Variants in POLR3A observed in about 807,000 individuals in gnomAD.
POLR3A encodes DNA-directed RNA polymerase III subunit RPC1.
A neutral mutation model predicts 152.8 loss-of-function variants in POLR3A; 112 were observed. The ratio of observed to expected loss-of-function variants is 0.73; its 90% CI spans 0.63 to 0.86. POLR3A has a LOEUF of 0.86. Ranked by LOEUF, POLR3A falls within the 40% of genes least tolerant of loss-of-function variation. POLR3A has a pLI of 0.00. For missense variants in POLR3A, 1,385 were observed against 1,743.1 expected, an observed-to-expected ratio of 0.79 and a Z score of 3.66; for synonymous variants, 615 against 652.1, an observed-to-expected ratio of 0.94 and a Z score of 0.87.
intron 23 of POLR3A, 55 bp downstream of exon 23, chr10:77,985,848 G>C: frequency 3.9e-6 from 5 of 1,274,978 alleles, no homozygotes; most frequent in Non-Finnish European, 5.7e-6. Flanking sequence ...GGAAACAGAA[G>C]GGATACGTGA....
rs954524676 is a variant in POLR3A at position 77,993,382 on chromosome 10, G to A, written c.2617-15C>T. The A allele has an allele frequency of 1.2e-6, 2 of 1,610,242 alleles. No homozygotes were observed. Among genetic ancestry groups the A allele is most frequent in the African/African-American group, 1.3e-5 (1 of 74,834 alleles). ...ACAAGCCTTCGCTAAAGGAAAAGGA[G>A]GAAAAAGCTCAGCTGCTTTGAGAAG... On this transcript the variant is annotated splice_polypyrimidine_tract_variant and intron_variant, in intron 19 of 30. Coordinates refer to ENST00000372371, the MANE Select transcript of POLR3A (RefSeq NM_007055.4).
chr10:77,977,196 A>G lies in POLR3A; in HGVS notation c.*282T>C, dbSNP rs2131922840. ...GGCTGGGCTTTAAGTCCAGGGAAGC[A>G]GTGTGTGCACGAGCTGTGGGGCCGT... On this transcript the variant is annotated 3_prime_UTR_variant, in exon 31 of 31. Transcript: ENST00000372371. 2 of 421,792 alleles carry G rather than the reference A, an allele frequency of 4.7e-6. No homozygotes were observed. The highest frequency in any genetic ancestry group is 7.4e-4 in the Middle Eastern group (1 of 1,354). The allele number at this position is 421,792 out of a possible 1,614,324, so 26.1% of individuals were successfully genotyped here.
At chr10:78,000,171 G>A (rs1399776722) in intron 18 of POLR3A, 53 bp from the exon 19 acceptor site, 3 of 1,553,996 alleles carry the variant, frequency 1.9e-6, no homozygotes, top group Non-Finnish European at 2.6e-6. Context: ...CAAGGCCCAC[G>A]ATTCTGAAAT....
chr10:77,986,181 A>T, intron 21 of POLR3A, 22 bp from the exon 22 acceptor site: 1 of 1,135,872 alleles, frequency 8.8e-7, no homozygotes, highest in Non-Finnish European at 1.3e-6. Context: ...CACAGCAAAC[A>T]TCATTTGTAA....
In POLR3A at chr10:77,981,640, C is replaced by T. The variant is rs1307360335; in HGVS notation, c.3760-81G>A. 8.5e-6 allele frequency: 13 copies of T among 1,526,574 alleles called. No individual in the cohort carries two copies. In the East Asian group the frequency reaches 2.5e-4, roughly 29 times the overall value. 94.6% of individuals were successfully genotyped at this position (1,526,574 alleles called of 1,614,324 possible). On this transcript the variant is annotated intron_variant, in intron 28 of 30. Coordinates refer to ENST00000372371, the MANE Select transcript of POLR3A (RefSeq NM_007055.4). ...TCTCTCCACTTTCTCCTCTGCCCTG[C>T]AGTTTCAAAGCAAACCCTGTGCCGT...
At chr10:77,994,741 G>T (rs1276656583) in intron 19 of POLR3A, among the ~76,000 whole-genome samples, 1 of 152,164 alleles carries the variant, frequency 6.6e-6, no homozygotes, top group Non-Finnish European at 1.5e-5. Context: ...CACTCTGCAG[G>T]ATGTTATCCA....
Position 77,975,190 on chromosome 10 carries a change from T to A in POLR3A, c.*2288A>T, listed in dbSNP as rs1406979356. ...CGTATTTTTATTTCTTCCAAGCAGG[T>A]ACAGAGACTCAAATGTAACCCTTTG... On this transcript the variant is annotated 3_prime_UTR_variant, in exon 31 of 31. Coordinates refer to ENST00000372371, the MANE Select transcript of POLR3A (RefSeq NM_007055.4). The A allele has an allele frequency of 6.6e-6, 1 of 152,220 alleles. No homozygotes were observed. The highest frequency in any genetic ancestry group is 1.9e-4 in the East Asian group (1 of 5,198). 9.4% of individuals were successfully genotyped at this position (152,220 alleles called of 1,614,324 possible).
At chr10:78,018,402 G>A (rs571428211) in intron 9 of POLR3A, among the ~76,000 whole-genome samples, 1 of 151,718 alleles carries the variant, frequency 6.6e-6, no homozygotes, top group African/African-American at 2.4e-5. Context: ...GGGTGACTGA[G>A]GCAGGAAACT....
chr10:78,021,643 A>C lies in POLR3A; in HGVS notation c.1088T>G (p.Phe363Cys). ...RGNLSGKRVD[F>C]SGRTVISPDP... The stretch of plus-strand genomic sequence containing the variant: ...GGGCGAGATGACTGTTCTGCCAGAA[A>C]AATCCACTCTCTTTCCTGAGAGATT... Residue 363 changes from phenylalanine to cysteine, a missense_variant, in exon 8 of 31, where the codon TTT becomes TGT. By Grantham distance (205) the Phe-to-Cys change is radical. Around this residue, in one of 7 missense-constraint regions of POLR3A, gnomAD observed 493 missense variants for 647.5 expected, o/e 0.76. Coordinates refer to ENST00000372371, the MANE Select transcript of POLR3A (RefSeq NM_007055.4). The C allele has an allele frequency of 5.0e-6, 8 of 1,613,966 alleles. No individual in the cohort carries two copies. The East Asian group carries it at 1.8e-4, about 36-fold the overall frequency.
chr10:78,011,768 C>A lies in POLR3A; in HGVS notation c.1573-1228G>T, dbSNP rs897165004. Among the ~76,000 whole-genome samples the A allele has an allele frequency of 2.6e-5, 4 of 152,196 alleles. No individual in the cohort carries two copies. The East Asian group carries it at 7.7e-4, about 29-fold the overall frequency. The stretch of plus-strand genomic sequence containing the variant: ...CCCACATCCAAATTAGAGCCCTATG[C>A]ACTACACGGAGAACAGCATTGCTAA... On this transcript the variant is annotated intron_variant, in intron 11 of 30. Transcript: ENST00000372371.
intron 16 of POLR3A, among the ~76,000 whole-genome samples, chr10:78,004,110 T>C (rs1262454742): frequency 1.3e-5 from 2 of 152,100 alleles, no homozygotes; most frequent in African/African-American, 4.8e-5. Flanking sequence ...GGCATGTGCC[T>C]GTAATCCCAG....
At position 77,990,965 on chromosome 10, in the gene POLR3A, C is replaced by T. The variant is rs190365415; in HGVS notation, c.2901+89G>A. The T allele has an allele frequency of 2.2e-4, 165 of 757,544 alleles. No individual in the cohort carries two copies. The East Asian group carries it at 3.9e-3, about 18-fold the overall frequency. The allele number at this position is 757,544 out of a possible 1,614,324, so 46.9% of individuals were successfully genotyped here. ...CAACCCTACCTTAAAAAACAACCAGCTTATAAAATCCACTTGCCAGCCCTT... is the reference window on the plus strand; with the variant it reads ...CAACCCTACCTTAAAAAACAACCAGTTTATAAAATCCACTTGCCAGCCCTT... On this transcript the variant is annotated intron_variant, in intron 21 of 30. Coordinates refer to ENST00000372371, the MANE Select transcript of POLR3A (RefSeq NM_007055.4).
chr10:78,029,261 C>T, intron 1 of POLR3A, 103 bp downstream of exon 1: 2 of 1,179,650 alleles, frequency 1.7e-6, no homozygotes, highest in Non-Finnish European at 1.3e-6. Context: ...TGGCCCTCCC[C>T]TTCCCATTGC....
At chr10:78,023,729 G>T (rs1215057635) in intron 5 of POLR3A, among the ~76,000 whole-genome samples, 1 of 151,568 alleles carries the variant, frequency 6.6e-6, no homozygotes, top group South Asian at 2.1e-4. Flanking sequence ...AATGAGCCTC[G>T]ATCATACCAC....
In POLR3A at chr10:78,002,267, A is replaced by G. The variant is rs1847364830; in HGVS notation, c.2289T>C (p.Ala763=). Residue 763 remains alanine (A), a synonymous_variant, in exon 17 of 31, where the codon GCT becomes GCC. Transcript: ENST00000372371. The part of the protein sequence containing the change: ...LKELSVIRDH[A]GSACLRELDK... Reference sequence around the variant, plus strand: ...CCAGCTCCCGGAGGCAGGCACTGCCAGCGTGGTCACGGATCACAGACAGCT... The same window carrying G: ...CCAGCTCCCGGAGGCAGGCACTGCCGGCGTGGTCACGGATCACAGACAGCT... 3 of 1,606,092 alleles carry G rather than the reference A, an allele frequency of 1.9e-6. No homozygotes were observed. Among genetic ancestry groups the G allele is most frequent in the Non-Finnish European group, 2.5e-6 (3 of 1,176,938 alleles).
intron 30 of POLR3A, 89 bp from the exon 31 acceptor site, chr10:77,977,715 T>A: frequency 8.7e-7 from 1 of 1,144,552 alleles, no homozygotes; most frequent in Non-Finnish European, 1.3e-6. Context: ...TGTCAGAAAA[T>A]TAGGATGTGA....
In POLR3A at chr10:78,024,699, G is replaced by A. The variant is rs150057980; in HGVS notation, c.495C>T (p.Thr165=). Residue 165 remains threonine, a synonymous_variant, in exon 5 of 31, where the codon ACC becomes ACT. Transcript: ENST00000372371. ...TTTTCAGCAGTCCACACTTCTTTACGGTACCTATAAGGGTTAGTTTATTTA... is the reference window on the plus strand; with the variant it reads ...TTTTCAGCAGTCCACACTTCTTTACAGTACCTATAAGGGTTAGTTTATTTA... ...ICHHCGAFNG[T]VKKCGLLKII... 32 of 1,612,336 alleles carry A rather than the reference G, an allele frequency of 2.0e-5. No individual in the cohort carries two copies. The African/African-American group carries it at 2.3e-4, about 11-fold the overall frequency.
At position 77,981,544 on chromosome 10, in the gene POLR3A, C is replaced by T. The variant is rs999458179; in HGVS notation, c.3775G>A (p.Gly1259Ser). The change falls in exon 29 of 31, where the codon GGC becomes AGC. Residue 1259 changes from glycine (G) to serine (S), a missense_variant. By Grantham distance (56) the Gly-to-Ser change is moderately conservative (BLOSUM62 0). Coordinates refer to ENST00000372371, the MANE Select transcript of POLR3A (RefSeq NM_007055.4). Reference protein sequence around the residue: ...NNTYEVEKTLGIEAARTTIIN... With the variant: ...NNTYEVEKTLSIEAARTTIIN... ...ATCGTTGTCCGGGCGGCCTCGATGC[C>T]CAGAGTTTTCTCCACCTACAGAGAG... is the stretch of plus-strand genomic sequence containing the variant. 6.2e-7 allele frequency: 1 copy of T among 1,613,894 alleles called. No individual in the cohort carries two copies. Among genetic ancestry groups the T allele is most frequent in the Non-Finnish European group, 8.5e-7 (1 of 1,179,968 alleles).
chr10:78,006,567 A>G (rs1446491168), intron 15 of POLR3A, among the ~76,000 whole-genome samples: 1 of 152,102 alleles, frequency 6.6e-6, no homozygotes, highest in Non-Finnish European at 1.5e-5. Context: ...GGAAAAGAAG[A>G]TAATTAGATA....
Sources: gnomAD v4.1 joint callset for allele counts (sites outside exome capture counted in the v4.1 genomes callset) on GRCh38, gnomAD v4.1.1 for gene constraint, gnomAD v4.1.1 regional missense constraint, MANE v1.5 for transcripts, NCBI Gene and HGNC (gene_info 2026-07-23, HGNC 2026-07-21) for gene names.